ROBO2: variants seen among roughly 807,000 people sequenced by gnomAD.
ROBO2 encodes the protein roundabout guidance receptor 2.
In ROBO2, 53 loss-of-function variants were observed where a neutral mutation model predicts 160.8. The observed-to-expected ratio is 0.33, with a 90% CI of 0.26 to 0.41. The LOEUF (loss-of-function observed/expected upper bound fraction) is 0.41, where lower values mean the gene tolerates loss of function less well. Among genes scored for constraint, ROBO2 ranks in the 10% least tolerant of loss-of-function variants. The pLI is 1.00. For missense variants in ROBO2, 1,577 were observed against 1,722.4 expected, an observed-to-expected ratio of 0.92 and a Z score of 1.49; for synonymous variants, 664 against 611.7, an observed-to-expected ratio of 1.09 and a Z score of -1.26.
chr3:77,037,489 C>T (rs1053283387), upstream of ROBO2, among the ~76,000 whole-genome samples: 8 of 152,036 alleles, frequency 5.3e-5, no homozygotes, highest in Non-Finnish European at 1.2e-4. Flanking sequence ...AAAAAAATGC[C>T]AATATAACCA....
At chr3:76,991,234 T>C (rs920624911) in intron 2 of ROBO2, among the ~76,000 whole-genome samples, 4 of 152,190 alleles carry the variant, frequency 2.6e-5, no homozygotes, top group African/African-American at 9.6e-5. Flanking sequence ...CAGACCCTTA[T>C]GGATTCGCCA....
chr3:77,610,759 A>AT (rs1214183987), intron 21 of ROBO2, among the ~76,000 whole-genome samples: 6 of 149,094 alleles, frequency 4.0e-5, no homozygotes, highest in African/African-American at 1.5e-4. Flanking sequence ...AAAAAAAAAA[A>AT]AAAAAAAAGA....
intron 2 of ROBO2, among the ~76,000 whole-genome samples, chr3:76,298,838 T>G (rs1435415186): frequency 6.6e-6 from 1 of 152,214 alleles, no homozygotes; most frequent in Non-Finnish European, 1.5e-5. Context: ...ATTGTTGCTG[T>G]CCTTGTTTTC....
chr3:77,330,599 A>AAAG (rs2065879603), intron 2 of ROBO2, among the ~76,000 whole-genome samples: 1 of 152,228 alleles, frequency 6.6e-6, no homozygotes, highest in African/African-American at 2.4e-5. Context: ...AGGGTGAAGT[A>AAAG]AAGAAGCCTG....
intron 2 of ROBO2, among the ~76,000 whole-genome samples, chr3:76,994,287 G>A (rs2060861611): frequency 6.6e-6 from 1 of 152,126 alleles, no homozygotes; most frequent in South Asian, 2.1e-4. Flanking sequence ...CTACATTAAT[G>A]ATCACATAGG....
Position 76,365,659 on chromosome 3 carries a change from A to T in ROBO2, c.109+428057A>T, listed in dbSNP as rs181134221. On this transcript the variant is annotated intron_variant, in intron 2 of 26. Coordinates refer to the ROBO2 transcript ENST00000487694. ...TTCATATTTGACATTAGGGCTTATG[A>T]TAATGACAAGACCTCAAGATTGAGT... Among the ~76,000 whole-genome samples, 7 of 152,244 alleles carry T rather than the reference A, an allele frequency of 4.6e-5. No homozygotes were observed. In the East Asian group the frequency reaches 1.4e-3, roughly 29 times the overall value.
At chr3:77,610,128 CG>C (rs1420164788) in intron 21 of ROBO2, among the ~76,000 whole-genome samples, 2 of 151,508 alleles carry the variant, frequency 1.3e-5, no homozygotes, top group East Asian at 3.9e-4. Context: ...ATTTTCTAAT[CG>C]GTAAACCATA....
At chr3:77,527,066 T>C (rs1029389387) in intron 6 of ROBO2, among the ~76,000 whole-genome samples, 5 of 151,498 alleles carry the variant, frequency 3.3e-5, no homozygotes, top group African/African-American at 4.8e-5. Context: ...TGAATAGTTA[T>C]ATTCATCAGG....
At chr3:76,218,951 G>A (rs937411039) in intron 2 of ROBO2, among the ~76,000 whole-genome samples, 1 of 152,140 alleles carries the variant, frequency 6.6e-6, no homozygotes, top group Non-Finnish European at 1.5e-5. Flanking sequence ...CATGATACTG[G>A]TACCAAAACA....
chr3:77,060,263 A>C (rs570743915), intron 1 of ROBO2, among the ~76,000 whole-genome samples: 6 of 152,276 alleles, frequency 3.9e-5, no homozygotes, highest in Non-Finnish European at 8.8e-5. Flanking sequence ...CAGGCTACCC[A>C]TTCCAGCTCA....
chr3:76,618,766 G>A (rs1424527367), intron 2 of ROBO2, among the ~76,000 whole-genome samples: 1 of 151,586 alleles, frequency 6.6e-6, no homozygotes, highest in African/African-American at 2.4e-5. Context: ...CTGATAAAAA[G>A]TGAATACATG....
intron 2 of ROBO2, among the ~76,000 whole-genome samples, chr3:76,430,546 A>G (rs1019008794): frequency 6.6e-6 from 1 of 152,028 alleles, no homozygotes; most frequent in African/African-American, 2.4e-5. Context: ...GTTCCATATC[A>G]ATAGGTGCTA....
chr3:76,520,457 A>T (rs1458275336), intron 2 of ROBO2, among the ~76,000 whole-genome samples: 1 of 152,158 alleles, frequency 6.6e-6, no homozygotes, highest in East Asian at 1.9e-4. Flanking sequence ...TCTCAAAAAA[A>T]ATTTCTAGTA....
chr3:77,445,483 C>T (rs1018024858), intron 2 of ROBO2, among the ~76,000 whole-genome samples: 6 of 151,984 alleles, frequency 3.9e-5, no homozygotes, highest in Non-Finnish European at 7.4e-5. Context: ...CCTTAAATAT[C>T]CATACAAAAA....
intron 2 of ROBO2, among the ~76,000 whole-genome samples, chr3:76,341,437 A>AG (rs2074221586): frequency 6.6e-6 from 1 of 151,400 alleles, no homozygotes; most frequent in Admixed American, 6.6e-5. Flanking sequence ...AAAAAAAAAA[A>AG]AAAAGGAAAA....
intron 17 of ROBO2, 101 bp from the exon 19 acceptor site, chr3:77,595,041 G>A (rs1172787664): frequency 9.1e-6 from 8 of 882,074 alleles, no homozygotes; most frequent in East Asian, 2.5e-5. Flanking sequence ...AATTCCCAGA[G>A]GCCTCAGCTC....
chr3:77,206,935 G>A (rs923410674), intron 2 of ROBO2, among the ~76,000 whole-genome samples: 3 of 152,022 alleles, frequency 2.0e-5, no homozygotes, highest in Admixed American at 6.6e-5. Context: ...GCATTATGTG[G>A]GACCAGCTCG....
chr3:76,669,250 T>C (rs1273781849), intron 2 of ROBO2, among the ~76,000 whole-genome samples: 1 of 152,074 alleles, frequency 6.6e-6, no homozygotes, highest in African/African-American at 2.4e-5. Context: ...TTGCAGCTGT[T>C]TCAGGGAAAA....
intron 2 of ROBO2, among the ~76,000 whole-genome samples, chr3:77,211,819 T>C (rs971948763): frequency 2.6e-5 from 4 of 152,236 alleles, no homozygotes; most frequent in African/African-American, 7.2e-5. Context: ...CAGCACCATT[T>C]ATTAAATAGG....
Sources: gnomAD v4.1 joint callset for allele counts (sites outside exome capture counted in the v4.1 genomes callset) on GRCh38, gnomAD v4.1.1 for gene constraint, MANE v1.5 for transcripts, NCBI Gene and HGNC (gene_info 2026-07-23, HGNC 2026-07-21) for gene names.